Variants in STK35 observed in about 807,000 individuals in gnomAD.
STK35 encodes the protein serine/threonine-protein kinase 35.
STK35 carries 17 observed loss-of-function variants against 37.3 expected under a neutral mutation model. The observed-to-expected ratio is 0.46, with a 90% confidence interval of 0.31 to 0.68. The LOEUF is 0.68. Among genes scored for constraint, STK35 ranks in the 30% least tolerant of loss-of-function variants. The probability of loss-of-function intolerance (pLI) is 0.05; values close to 1 mark genes in which losing one functional copy is unlikely to be tolerated. For missense variants in STK35, 595 were observed against 746.7 expected (o/e 0.80, Z 2.37); for synonymous variants, 385 against 319.1 (o/e 1.21, Z -2.20).
intron 3 of STK35, among the ~76,000 whole-genome samples, chr20:2,137,906 G>T (rs763613069): frequency 6.6e-6 from 1 of 152,172 alleles, no homozygotes; most frequent in Non-Finnish European, 1.5e-5. Flanking sequence ...GAGGACTGCC[G>T]TCTGTGACCC....
intron 3 of STK35, among the ~76,000 whole-genome samples, chr20:2,134,121 G>A (rs778425777): frequency 1.3e-5 from 2 of 152,048 alleles, no homozygotes; most frequent in Admixed American, 6.5e-5. Context: ...CAGGCTGGGC[G>A]TGGTGGTGCA....
chr20:2,128,128 A>G (rs1185350910), intron 3 of STK35, among the ~76,000 whole-genome samples: 2 of 152,010 alleles, frequency 1.3e-5, no homozygotes, highest in Non-Finnish European at 2.9e-5. Flanking sequence ...TGCACCTCAA[A>G]CCTACTGAGT....
intron 3 of STK35, among the ~76,000 whole-genome samples, chr20:2,124,875 T>A (rs1985878618): frequency 6.6e-6 from 1 of 152,114 alleles, no homozygotes; most frequent in African/African-American, 2.4e-5. Context: ...TTTTTGTAAG[T>A]CCCCACAAGC....
chr20:2,118,308 T>A (rs1328934124), intron 3 of STK35, among the ~76,000 whole-genome samples: 2 of 152,202 alleles, frequency 1.3e-5, no homozygotes, highest in Non-Finnish European at 2.9e-5. Context: ...TTAGTGAATA[T>A]TTATGTAGAA....
intron 3 of STK35, among the ~76,000 whole-genome samples, chr20:2,126,638 A>G (rs1352769682): frequency 1.3e-5 from 2 of 152,112 alleles, no homozygotes; most frequent in Non-Finnish European, 2.9e-5. Context: ...CCCTCTTTTC[A>G]TTTCCACTAG....
intron 3 of STK35, among the ~76,000 whole-genome samples, chr20:2,137,541 C>T (rs754661949): frequency 6.6e-6 from 1 of 152,226 alleles, no homozygotes. Context: ...TCTCTGCCCT[C>T]TTGCTCCTCT....
intron 3 of STK35, among the ~76,000 whole-genome samples, chr20:2,127,648 TCCTCC>T (rs1450462975): frequency 2.0e-5 from 3 of 152,166 alleles, no homozygotes; most frequent in African/African-American, 4.8e-5. Flanking sequence ...CCAGAGGTCC[TCCTCC>T]CTTTTCTGAC....
In STK35 at chr20:2,102,787, C is replaced by T. The variant is rs1174063408; in HGVS notation, c.314C>T (p.Ala105Val). Reference sequence around the variant, plus strand: ...CCGCAGGTCACAATCCAAGGTCCGGCTCCTCCGCGTCCCAGGGCCGGACGG... The same window carrying T: ...CCGCAGGTCACAATCCAAGGTCCGGTTCCTCCGCGTCCCAGGGCCGGACGG... ...CAGQVTIQGP[A>V]PPRPRAGRRD... The change falls in exon 2 of 4, where the codon GCT becomes GTT. Residue 105 changes from alanine to valine, a missense_variant. By Grantham distance (64) the Ala-to-Val change is moderately conservative. Transcript: ENST00000381482. 8.1e-6 allele frequency: 12 copies of T among 1,473,716 alleles called. No individual in the cohort carries two copies. Among genetic ancestry groups the T allele is most frequent in the South Asian group, 1.3e-5 (1 of 78,668 alleles). The allele number at this position is 1,473,716 out of a possible 1,614,324, so 91.3% of individuals were successfully genotyped here.
chr20:2,118,756 A>G (rs1985765429), intron 3 of STK35, among the ~76,000 whole-genome samples: 1 of 152,222 alleles, frequency 6.6e-6, no homozygotes, highest in African/African-American at 2.4e-5. Flanking sequence ...TATAGTGCAT[A>G]TTATGGTGTA....
chr20:2,140,887 A>C (rs1343074054), intron 3 of STK35, among the ~76,000 whole-genome samples: 1 of 152,010 alleles, frequency 6.6e-6, no homozygotes, highest in Non-Finnish European at 1.5e-5. Context: ...GTAAAAAGGA[A>C]CCTCTGGTTT....
intron 3 of STK35, among the ~76,000 whole-genome samples, chr20:2,140,828 C>CT (rs1189965192): frequency 3.3e-5 from 5 of 152,152 alleles, no homozygotes; most frequent in Admixed American, 3.3e-4. Flanking sequence ...GAGTGCTGTG[C>CT]TGTTGGTCTG....
At position 2,148,184 on chromosome 20, in the gene STK35, A is replaced by C. The variant is rs1986306160; in HGVS notation, c.*4438A>C. On this transcript the variant is annotated 3_prime_UTR_variant, in exon 4 of 4. Coordinates refer to ENST00000381482, the MANE Select transcript of STK35 (RefSeq NM_080836.4). ...CAGGGGCACTGGAATCTTTTGTGCC[A>C]GGGGCTTCTTTTCATCAGAGCCGGG... 6.6e-6 allele frequency: 1 copy of C among 152,592 alleles called. No homozygotes were observed. Among genetic ancestry groups the C allele is most frequent in the South Asian group, 2.1e-4 (1 of 4,832 alleles). 9.5% of individuals were successfully genotyped at this position (152,592 alleles called of 1,614,324 possible).
rs761217512 is a variant in STK35 at position 2,116,892 on chromosome 20, C to T, written c.1119C>T (p.Gly373=). 4 of 1,614,206 alleles carry T rather than the reference C, an allele frequency of 2.5e-6. No individual in the cohort carries two copies. In the Admixed American group the frequency reaches 5.0e-5, roughly 20 times the overall value. The change falls in exon 3 of 4, where the codon GGC becomes GGT. Residue 373 remains glycine, a synonymous_variant. Transcript: ENST00000381482. The part of the protein sequence containing the change: ...PDNILITERS[G]TPILKVADFG... ...ACATCCTCATCACAGAGCGGTCTGG[C>T]ACCCCCATCCTCAAAGTGGCCGACT...
At chr20:2,121,382 T>C (rs2122560202) in intron 3 of STK35, among the ~76,000 whole-genome samples, 1 of 152,212 alleles carries the variant, frequency 6.6e-6, no homozygotes, top group Non-Finnish European at 1.5e-5. Flanking sequence ...CCGGATCATA[T>C]GGGAGGTGTG....
chr20:2,109,786 A>G (rs1377120254), intron 2 of STK35, among the ~76,000 whole-genome samples: 1 of 152,216 alleles, frequency 6.6e-6, no homozygotes, highest in Non-Finnish European at 1.5e-5. Flanking sequence ...TTTCTTCTCA[A>G]TTTATAAAAA....
rs540429408 is a variant in STK35 at position 2,106,210 on chromosome 20, G to T, written c.892+2845G>T. Among the ~76,000 whole-genome samples the T allele has an allele frequency of 8.5e-5, 13 of 152,270 alleles. No individual in the cohort carries two copies. In the South Asian group the frequency reaches 2.5e-3, roughly 29 times the overall value. On this transcript the variant is annotated intron_variant, in intron 2 of 3. Transcript: ENST00000381482. ...GTCTTGATCTGTCCTGGGGCCTTGG[G>T]TTTACAGCATGCAAATACCACCCAG...
At chr20:2,127,432 AG>A (rs1184567880) in intron 3 of STK35, among the ~76,000 whole-genome samples, 1 of 152,180 alleles carries the variant, frequency 6.6e-6, no homozygotes, top group Admixed American at 6.5e-5. Context: ...GAGAACTAGA[AG>A]TCACAAGTAA....
chr20:2,123,765 T>C (rs868616188), intron 3 of STK35, among the ~76,000 whole-genome samples: 4 of 152,160 alleles, frequency 2.6e-5, no homozygotes, highest in Admixed American at 1.3e-4. Flanking sequence ...CCGCCAGTAC[T>C]AAATAGGTCC....
At chr20:2,136,424 C>T (rs1003915102) in intron 3 of STK35, among the ~76,000 whole-genome samples, 4 of 152,162 alleles carry the variant, frequency 2.6e-5, no homozygotes, top group African/African-American at 4.8e-5. Flanking sequence ...CATGGGCTTC[C>T]GACTTGGACA....
Sources: gnomAD v4.1 joint callset for allele counts (sites outside exome capture counted in the v4.1 genomes callset) on GRCh38, gnomAD v4.1.1 for gene constraint, MANE v1.5 for transcripts, NCBI Gene and HGNC (gene_info 2026-07-23, HGNC 2026-07-21) for gene names.